The following CDH13 variants were observed in gnomAD, a reference collection of about 807,000 sequenced individuals.
The protein encoded by CDH13 is cadherin 13.
A neutral mutation model predicts 63.8 loss-of-function variants in CDH13; 24 were observed. The observed-to-expected ratio is 0.38, with a 90% CI of 0.27 to 0.53. The LOEUF (loss-of-function observed/expected upper bound fraction) is 0.53. Among genes scored for constraint, CDH13 ranks in the 20% least tolerant of loss-of-function variants. The probability of loss-of-function intolerance (pLI) is 0.85; values close to 1 mark genes in which losing one functional copy is unlikely to be tolerated. For missense variants in CDH13, 1,049 were observed against 903.1 expected (o/e 1.16, Z -2.07); for synonymous variants, 503 against 355.3 (o/e 1.42, Z -4.67).
chr16:83,033,485 G>T (rs1284069901), intron 3 of CDH13, among the ~76,000 whole-genome samples: 3 of 152,068 alleles, frequency 2.0e-5, no homozygotes, highest in East Asian at 1.9e-4. Context: ...GTATGTACAG[G>T]CATACACATA....
At chr16:83,226,404 C>G (rs1262859012) in intron 5 of CDH13, among the ~76,000 whole-genome samples, 1 of 152,188 alleles carries the variant, frequency 6.6e-6, no homozygotes, top group Admixed American at 6.5e-5. Context: ...AGCACAAACT[C>G]CTCAGAAGAG....
chr16:83,378,069 G>C (rs1389114597), intron 6 of CDH13, among the ~76,000 whole-genome samples: 2 of 152,254 alleles, frequency 1.3e-5, no homozygotes, highest in African/African-American at 4.8e-5. Context: ...ACCATGCATG[G>C]TGGCTTTGAA....
At chr16:83,036,608 CT>C (rs1188789003) in intron 3 of CDH13, among the ~76,000 whole-genome samples, 1 of 152,166 alleles carries the variant, frequency 6.6e-6, no homozygotes, top group East Asian at 1.9e-4. Context: ...GCCCTTCCCA[CT>C]TTCCCTCTTC....
chr16:82,748,721 A>G (rs2034286744), intron 1 of CDH13, among the ~76,000 whole-genome samples: 3 of 152,218 alleles, frequency 2.0e-5, no homozygotes, highest in Admixed American at 1.3e-4. Flanking sequence ...GAGCTGGGGT[A>G]CACGTAGAAG....
intron 7 of CDH13, among the ~76,000 whole-genome samples, chr16:83,529,960 G>T (rs576966246): frequency 6.6e-6 from 1 of 152,242 alleles, no homozygotes; most frequent in African/African-American, 2.4e-5. Flanking sequence ...GAGTGCAAAA[G>T]AACTTGTGAA....
At chr16:83,424,851 T>C (rs577897051) in intron 6 of CDH13, among the ~76,000 whole-genome samples, 1 of 152,246 alleles carries the variant, frequency 6.6e-6, no homozygotes, top group East Asian at 1.9e-4. Context: ...GCTTGTGCAC[T>C]CTCCCTTTGT....
At chr16:83,058,818 C>A (rs2031221234) in intron 3 of CDH13, among the ~76,000 whole-genome samples, 1 of 152,192 alleles carries the variant, frequency 6.6e-6, no homozygotes, top group African/African-American at 2.4e-5. Flanking sequence ...CACACGCTGA[C>A]CTCACAGAAA....
rs375596412 is a variant in CDH13, at chr16:83,519,113, G to GCT, written c.960+32458_960+32459insCT. ...GAAGCTTAGAATCTGGAAGGATAGA[G>GCT]AATAGAGTTTTATAGGGACTGGGAC... On this transcript the variant is annotated intron_variant, in intron 7 of 13. Coordinates refer to ENST00000567109, the MANE Select transcript of CDH13 (RefSeq NM_001257.5). Among the ~76,000 whole-genome samples the GCT allele has an allele frequency of 6.4e-3, 982 of 152,298 alleles. 13 individuals carry two copies. Among genetic ancestry groups the GCT allele is most frequent in the Non-Finnish European group, 8.1e-3 (550 of 68,028 alleles).
chr16:83,617,713 A>G (rs1038731692), intron 8 of CDH13, among the ~76,000 whole-genome samples: 2 of 151,678 alleles, frequency 1.3e-5, no homozygotes, highest in Admixed American at 6.6e-5. Flanking sequence ...CACATATTCT[A>G]TTCTAATATA....
At chr16:82,711,068 C>T (rs2031903406) in intron 1 of CDH13, among the ~76,000 whole-genome samples, 1 of 151,776 alleles carries the variant, frequency 6.6e-6, no homozygotes, top group South Asian at 2.1e-4. Context: ...CAGTCATTTG[C>T]CCGGACCGCA....
chr16:83,387,831 T>C (rs1205402187), intron 6 of CDH13, among the ~76,000 whole-genome samples: 1 of 152,230 alleles, frequency 6.6e-6, no homozygotes, highest in East Asian at 1.9e-4. Flanking sequence ...TCTCTTTCTT[T>C]GCCTTGGTTT....
intron 5 of CDH13, among the ~76,000 whole-genome samples, chr16:83,322,698 A>G (rs967939328): frequency 6.6e-6 from 1 of 152,120 alleles, no homozygotes; most frequent in African/African-American, 2.4e-5. Context: ...CAGAAAAGGC[A>G]ACATCTAGAC....
chr16:82,931,405 A>G (rs1271445738), intron 2 of CDH13, among the ~76,000 whole-genome samples: 1 of 152,190 alleles, frequency 6.6e-6, no homozygotes, highest in Non-Finnish European at 1.5e-5. Context: ...CTCACATCCT[A>G]CTTTTCAAAA....
At chr16:83,062,141 T>A (rs2031610389) in intron 3 of CDH13, among the ~76,000 whole-genome samples, 1 of 152,212 alleles carries the variant, frequency 6.6e-6, no homozygotes, top group Admixed American at 6.5e-5. Context: ...AGACAGAGCC[T>A]GCTCTAGGAA....
At chr16:83,029,365 T>A (rs1310619344) in intron 2 of CDH13, among the ~76,000 whole-genome samples, 1 of 152,146 alleles carries the variant, frequency 6.6e-6, no homozygotes, top group Non-Finnish European at 1.5e-5. Flanking sequence ...CACAAGAAAG[T>A]TCCTAGCAAC....
intron 2 of CDH13, among the ~76,000 whole-genome samples, chr16:83,026,336 T>G (rs558040593): frequency 6.6e-6 from 1 of 152,332 alleles, no homozygotes. Context: ...GTTCTCGCTC[T>G]AGGCCTTTCT....
At chr16:83,160,992 C>T (rs1014493698) in intron 4 of CDH13, among the ~76,000 whole-genome samples, 1 of 152,182 alleles carries the variant, frequency 6.6e-6, no homozygotes, top group Non-Finnish European at 1.5e-5. Flanking sequence ...AGTCACAGAT[C>T]TTGAGATCGC....
At chr16:83,391,298 C>T (rs546065936) in intron 6 of CDH13, among the ~76,000 whole-genome samples, 4 of 151,930 alleles carry the variant, frequency 2.6e-5, no homozygotes, top group African/African-American at 4.8e-5. Flanking sequence ...CTCTGCCTCC[C>T]GGGTTCAAAT....
At chr16:82,704,158 G>A (rs1047643403) in intron 1 of CDH13, among the ~76,000 whole-genome samples, 1 of 152,124 alleles carries the variant, frequency 6.6e-6, no homozygotes, top group Admixed American at 6.5e-5. Context: ...AGAAAGAGGT[G>A]GGGGTGGGCA....
Sources: gnomAD v4.1 joint callset for allele counts (sites outside exome capture counted in the v4.1 genomes callset) on GRCh38, gnomAD v4.1.1 for gene constraint, MANE v1.5 for transcripts, NCBI Gene and HGNC (gene_info 2026-07-23, HGNC 2026-07-21) for gene names.